Variants in NDUFAF2 observed in about 807,000 individuals in gnomAD.
NDUFAF2 encodes the protein NADH dehydrogenase [ubiquinone] 1 alpha subcomplex assembly factor 2.
Under a neutral mutation model 22.8 loss-of-function variants are expected in NDUFAF2, and 13 were observed. That is an observed-to-expected ratio of 0.57 (90% CI 0.37 to 0.91). NDUFAF2 has a LOEUF of 0.91. Ranked by LOEUF, NDUFAF2 falls within the 40% of genes least tolerant of loss-of-function variation. The pLI, the probability that NDUFAF2 is intolerant of heterozygous loss-of-function variation, is 0.01. For missense variants in NDUFAF2, 162 were observed against 195.2 expected (o/e 0.83, Z 1.01); for synonymous variants, 53 against 64.2 (o/e 0.83, Z 0.84).
At chr5:60,987,981 G>C (rs753961975) in intron 1 of NDUFAF2, among the ~76,000 whole-genome samples, 7 of 152,138 alleles carry the variant, frequency 4.6e-5, no homozygotes, top group Non-Finnish European at 1.0e-4. Flanking sequence ...GAGGAAGTCA[G>C]ACTATCCGTT....
chr5:60,962,427 T>A lies in NDUFAF2; in HGVS notation c.127+17045T>A, dbSNP rs377546181. Among the ~76,000 whole-genome samples, 25 of 152,360 alleles carry A rather than the reference T, an allele frequency of 1.6e-4. No individual in the cohort carries two copies. In the South Asian group the frequency reaches 5.0e-3, roughly 30 times the overall value. On this transcript the variant is annotated intron_variant, in intron 1 of 3. Coordinates refer to ENST00000296597, the MANE Select transcript of NDUFAF2 (RefSeq NM_174889.5). ...TGGTCTAACTACCTTGGCCACGTTT[T>A]CAATTAGAAAGTAATAATTTTCTCA...
At position 60,992,990 on chromosome 5, in the gene NDUFAF2, G is replaced by A. The variant is rs374005057; in HGVS notation, c.127+47608G>A. Among the ~76,000 whole-genome samples, 12 of 152,276 alleles carry A rather than the reference G, an allele frequency of 7.9e-5. No homozygotes were observed. In the East Asian group the frequency reaches 1.5e-3, roughly 20 times the overall value. ...AGTTTTTCTTGGGACTGTTGGTCTC[G>A]TTCCACACACTGGACCTGCAGGCCG... On this transcript the variant is annotated intron_variant, in intron 1 of 3. Transcript: ENST00000296597.
At chr5:61,058,357 A>G (rs1222417986) in intron 1 of NDUFAF2, among the ~76,000 whole-genome samples, 1 of 152,060 alleles carries the variant, frequency 6.6e-6, no homozygotes, top group Admixed American at 6.6e-5. Flanking sequence ...ATACTTGATT[A>G]TATTATTTTA....
At chr5:60,970,106 A>T (rs901620237) in intron 1 of NDUFAF2, among the ~76,000 whole-genome samples, 2 of 152,126 alleles carry the variant, frequency 1.3e-5, no homozygotes, top group African/African-American at 4.8e-5. Flanking sequence ...TGCCAGTACC[A>T]TGCCATTTTG....
At chr5:61,080,209 A>G (rs935513324) in intron 2 of NDUFAF2, among the ~76,000 whole-genome samples, 1 of 152,206 alleles carries the variant, frequency 6.6e-6, no homozygotes, top group African/African-American at 2.4e-5. Context: ...AGTCCTTTCT[A>G]CTTTATAGCA....
intron 3 of NDUFAF2, among the ~76,000 whole-genome samples, chr5:61,129,402 A>T (rs1365474353): frequency 6.6e-6 from 1 of 152,160 alleles, no homozygotes; most frequent in African/African-American, 2.4e-5. Context: ...CAAATGTCCA[A>T]CAATGATAGA....
rs556842359 is a variant in NDUFAF2, at chr5:60,989,258, T to G, written c.127+43876T>G. ...GCTATTATTTTAAAAATCAAAAAAT[T>G]ACAGATGCTGGAGGGGTTATAGAGA... is the stretch of plus-strand genomic sequence containing the variant. On this transcript the variant is annotated intron_variant, in intron 1 of 3. Transcript: ENST00000296597. 4.6e-5 allele frequency among the ~76,000 whole-genome samples: 7 copies of G among 152,192 alleles called. No homozygotes were observed. In the South Asian group the frequency reaches 1.5e-3, roughly 32 times the overall value.
At chr5:61,102,443 C>T (rs1017226456) in intron 3 of NDUFAF2, among the ~76,000 whole-genome samples, 1 of 151,950 alleles carries the variant, frequency 6.6e-6, no homozygotes, top group African/African-American at 2.4e-5. Flanking sequence ...GTCTTTTTAG[C>T]AAATGGTTCT....
chr5:61,004,964 T>C (rs920112071), intron 1 of NDUFAF2, among the ~76,000 whole-genome samples: 2 of 152,154 alleles, frequency 1.3e-5, no homozygotes, highest in Non-Finnish European at 2.9e-5. Flanking sequence ...ATAGTTTAAG[T>C]TCTAGGGTAC....
chr5:61,099,494 TA>T (rs1752681067), intron 3 of NDUFAF2, among the ~76,000 whole-genome samples: 1 of 151,260 alleles, frequency 6.6e-6, no homozygotes, highest in Non-Finnish European at 1.5e-5. Flanking sequence ...AAAGAAACTT[TA>T]AAATACAGAA....
intron 3 of NDUFAF2, among the ~76,000 whole-genome samples, chr5:61,102,082 GC>G (rs1454215877): frequency 6.6e-6 from 1 of 152,070 alleles, no homozygotes; most frequent in African/African-American, 2.4e-5. Flanking sequence ...ATGGTTCATA[GC>G]CCATATTTTG....
intron 3 of NDUFAF2, among the ~76,000 whole-genome samples, chr5:61,131,339 C>A (rs1050346558): frequency 6.6e-6 from 1 of 151,886 alleles, no homozygotes; most frequent in African/African-American, 2.4e-5. Flanking sequence ...CCACGCCCAG[C>A]TAATTGTGTT....
At chr5:60,993,585 T>C (rs896884795) in intron 1 of NDUFAF2, among the ~76,000 whole-genome samples, 7 of 151,684 alleles carry the variant, frequency 4.6e-5, no homozygotes, top group African/African-American at 1.5e-4. Context: ...CTGGTCATCA[T>C]GTTAAGTGTT....
At chr5:60,997,188 G>A (rs915293147) in intron 1 of NDUFAF2, among the ~76,000 whole-genome samples, 3 of 152,186 alleles carry the variant, frequency 2.0e-5, no homozygotes, top group Admixed American at 1.3e-4. Context: ...ATTAACAGCA[G>A]TAGCCCAAAT....
chr5:61,014,725 G>A (rs1044863219), intron 1 of NDUFAF2, among the ~76,000 whole-genome samples: 1 of 152,132 alleles, frequency 6.6e-6, no homozygotes, highest in Admixed American at 6.6e-5. Context: ...TGGTTGGTGT[G>A]AAGAAAACCC....
intron 2 of NDUFAF2, among the ~76,000 whole-genome samples, chr5:61,086,549 T>G (rs916771111): frequency 6.6e-6 from 1 of 152,152 alleles, no homozygotes; most frequent in African/African-American, 2.4e-5. Flanking sequence ...TTCAATAGCT[T>G]GTGTTGAATA....
At chr5:61,144,090 C>A (rs1460258905) in intron 3 of NDUFAF2, among the ~76,000 whole-genome samples, 1 of 151,742 alleles carries the variant, frequency 6.6e-6, no homozygotes, top group Non-Finnish European at 1.5e-5. Flanking sequence ...TGAGCATTAA[C>A]TCTATTCCAT....
At position 60,981,624 on chromosome 5, in the gene NDUFAF2, C is replaced by T. The variant is rs1750978599; in HGVS notation, c.127+36242C>T. Among the ~76,000 whole-genome samples, 4 of 152,156 alleles carry T rather than the reference C, an allele frequency of 2.6e-5. No individual in the cohort carries two copies. In the South Asian group the frequency reaches 8.3e-4, roughly 32 times the overall value. ...AACTGATCAAGAATAATAACTAAAACAATTTTTTAAGACATAGTACAATAA... is the reference window on the plus strand; with the variant it reads ...AACTGATCAAGAATAATAACTAAAATAATTTTTTAAGACATAGTACAATAA... On this transcript the variant is annotated intron_variant, in intron 1 of 3. Transcript: ENST00000296597.
intron 3 of NDUFAF2, among the ~76,000 whole-genome samples, chr5:61,137,812 G>C (rs541923242): frequency 1.3e-5 from 2 of 152,328 alleles, no homozygotes; most frequent in South Asian, 2.1e-4. Flanking sequence ...GAAAGGAAGA[G>C]GAAGAAAATA....
Sources: gnomAD v4.1 joint callset for allele counts (sites outside exome capture counted in the v4.1 genomes callset) on GRCh38, gnomAD v4.1.1 for gene constraint, MANE v1.5 for transcripts, NCBI Gene and HGNC (gene_info 2026-07-23, HGNC 2026-07-21) for gene names.